KATNAL1: variants seen among roughly 807,000 people sequenced by gnomAD.
KATNAL1 encodes katanin catalytic subunit A1 like 1.
Under a neutral mutation model 55.2 loss-of-function variants are expected in KATNAL1, and 32 were observed. That is an observed-to-expected ratio of 0.58 (90% confidence interval 0.44 to 0.78). The LOEUF is 0.78. Ranked by LOEUF, KATNAL1 falls within the 30% of genes least tolerant of loss-of-function variation. The probability of loss-of-function intolerance (pLI) is 0.00; values close to 1 mark genes in which losing one functional copy is unlikely to be tolerated. For synonymous variants in KATNAL1, 193 were observed against 193.6 expected, an observed-to-expected ratio of 1.00 and a Z score of 0.02; for missense variants, 466 against 600.9, an observed-to-expected ratio of 0.78 and a Z score of 2.35.
intron 2 of KATNAL1, among the ~76,000 whole-genome samples, chr13:30,283,266 C>CAAAAAAA (rs35463025): frequency 2.9e-5 from 1 of 35,082 alleles, no homozygotes; most frequent in African/African-American, 1.4e-4. Flanking sequence ...GACTCTGTCT[C>CAAAAAAA]AAAAAAAAAA....
chr13:30,276,521 A>AC (rs1219105813), intron 3 of KATNAL1, among the ~76,000 whole-genome samples: 1 of 151,296 alleles, frequency 6.6e-6, no homozygotes, highest in Admixed American at 6.6e-5. Context: ...GATGGCAAAA[A>AC]AAAAAAAAAA....
intron 4 of KATNAL1, among the ~76,000 whole-genome samples, chr13:30,242,308 A>G (rs1397557703): frequency 1.3e-5 from 2 of 152,226 alleles, no homozygotes; most frequent in Non-Finnish European, 2.9e-5. Context: ...GCTGGAAAGA[A>G]CTTAATAAAC....
intron 1 of KATNAL1, among the ~76,000 whole-genome samples, chr13:30,297,059 T>G (rs1882553582): frequency 6.6e-6 from 1 of 151,206 alleles, no homozygotes; most frequent in African/African-American, 2.4e-5. Context: ...CGCTTGAGTC[T>G]GAGAGTTTGA....
At chr13:30,225,273 T>C (rs1875340861) in intron 9 of KATNAL1, among the ~76,000 whole-genome samples, 1 of 152,202 alleles carries the variant, frequency 6.6e-6, no homozygotes, top group Non-Finnish European at 1.5e-5. Context: ...AGTGCCCTCC[T>C]TACTGACTTC....
intron 3 of KATNAL1, among the ~76,000 whole-genome samples, chr13:30,278,587 C>T (rs1275406044): frequency 2.6e-5 from 4 of 152,176 alleles, no homozygotes; most frequent in African/African-American, 4.8e-5. Context: ...TTATTATCTG[C>T]GGACACTGCT....
chr13:30,283,293 G>GAAAAAAAAAAAAAAAAAAAAAAAAA (rs1593945549), intron 2 of KATNAL1, among the ~76,000 whole-genome samples: 1 of 55,894 alleles, frequency 1.8e-5, no homozygotes, highest in African/African-American at 7.2e-5. Flanking sequence ...AAAAAAAAAG[G>GAAAAAAAAAAAAAAAAAAAAAAAAA]AATGAATGAA....
At chr13:30,220,176 A>T (rs1390767335) in intron 9 of KATNAL1, among the ~76,000 whole-genome samples, 4 of 152,156 alleles carry the variant, frequency 2.6e-5, no homozygotes, top group African/African-American at 7.2e-5. Flanking sequence ...AAAACAAAAC[A>T]TGGGCTGGGC....
chr13:30,290,753 C>A (rs987619410), intron 1 of KATNAL1, among the ~76,000 whole-genome samples: 9 of 151,908 alleles, frequency 5.9e-5, no homozygotes, highest in Non-Finnish European at 8.8e-5. Flanking sequence ...GACCCAGTGA[C>A]GAAATAGATA....
rs1448711362 is a variant in KATNAL1 at position 30,204,095 on chromosome 13, C to T, written c.*4445G>A. 1 of 152,104 alleles carries T rather than the reference C, an allele frequency of 6.6e-6. No homozygotes were observed. The highest frequency in any genetic ancestry group is 2.4e-5 in the African/African-American group (1 of 41,430). 9.4% of individuals were successfully genotyped at this position (152,104 alleles called of 1,614,324 possible). Reference sequence around the variant, plus strand: ...ATTGTGACATATTCTCAGGTTCACACAAATATTACGTGCATCACAAATTAA... The same window carrying T: ...ATTGTGACATATTCTCAGGTTCACATAAATATTACGTGCATCACAAATTAA... On this transcript the variant is annotated 3_prime_UTR_variant, in exon 11 of 11. Coordinates refer to ENST00000380615, the MANE Select transcript of KATNAL1 (RefSeq NM_032116.5).
chr13:30,283,293 G>GAAAAAAT (rs1593945549), intron 2 of KATNAL1, among the ~76,000 whole-genome samples: 1 of 55,892 alleles, frequency 1.8e-5, no homozygotes, highest in Non-Finnish European at 3.6e-5. Context: ...AAAAAAAAAG[G>GAAAAAAT]AATGAATGAA....
At chr13:30,230,890 T>C (rs1373769882) in intron 7 of KATNAL1, among the ~76,000 whole-genome samples, 2 of 152,160 alleles carry the variant, frequency 1.3e-5, no homozygotes, top group Non-Finnish European at 2.9e-5. Flanking sequence ...CAAAAATAAA[T>C]CAACCTCAAT....
intron 6 of KATNAL1, 120 bp downstream of exon 6, chr13:30,240,340 C>T (rs1359380466): frequency 6.1e-6 from 4 of 658,088 alleles, no homozygotes; most frequent in Non-Finnish European, 1.1e-5. Flanking sequence ...TTTGGGTGTA[C>T]ATAAACTTCT....
intron 1 of KATNAL1, among the ~76,000 whole-genome samples, chr13:30,302,550 AT>A (rs1389698863): frequency 6.6e-6 from 1 of 152,250 alleles, no homozygotes; most frequent in Non-Finnish European, 1.5e-5. Context: ...ATACTGACAT[AT>A]AAAGACACTC....
In KATNAL1 at chr13:30,203,904, T is replaced by A. The variant is rs897586338; in HGVS notation, c.*4636A>T. Reference sequence around the variant, plus strand: ...AGCAAATGTCAAAAAAATTTAAGTATGAAAAGCCTAATTTAAAAGTATAAA... The same window carrying A: ...AGCAAATGTCAAAAAAATTTAAGTAAGAAAAGCCTAATTTAAAAGTATAAA... On this transcript the variant is annotated 3_prime_UTR_variant, in exon 11 of 11. Transcript: ENST00000380615. 6.6e-6 allele frequency: 1 copy of A among 152,068 alleles called. No homozygotes were observed. Among genetic ancestry groups the A allele is most frequent in the South Asian group, 2.1e-4 (1 of 4,832 alleles). The allele number at this position is 152,068 out of a possible 1,614,324, so 9.4% of individuals were successfully genotyped here. A position where few individuals can be genotyped will look rare whatever the true frequency, so the allele number is the denominator to read the frequency against.
intron 3 of KATNAL1, among the ~76,000 whole-genome samples, chr13:30,259,417 G>A (rs1010043787): frequency 3.9e-5 from 6 of 152,150 alleles, no homozygotes; most frequent in Non-Finnish European, 8.8e-5. Context: ...CCCAGTGTGA[G>A]CGACGCAAAA....
intron 2 of KATNAL1, 58 bp downstream of exon 2, chr13:30,283,558 C>T: frequency 6.6e-7 from 1 of 1,508,994 alleles, no homozygotes. Context: ...ACTCTAATCT[C>T]TCAAGTATAA....
intron 1 of KATNAL1, among the ~76,000 whole-genome samples, chr13:30,297,863 T>C (rs776087374): frequency 4.6e-5 from 7 of 152,092 alleles, no homozygotes; most frequent in Non-Finnish European, 1.0e-4. Context: ...TGGAAACTAA[T>C]AGAGGTGGGA....
chr13:30,254,804 G>C (rs993530087), intron 4 of KATNAL1, among the ~76,000 whole-genome samples: 1 of 151,904 alleles, frequency 6.6e-6, no homozygotes, highest in South Asian at 2.1e-4. Flanking sequence ...TAAAATTAAG[G>C]CCTAAGAGAC....
At chr13:30,214,879 T>C (rs1289113155) in intron 9 of KATNAL1, among the ~76,000 whole-genome samples, 2 of 151,396 alleles carry the variant, frequency 1.3e-5, no homozygotes, top group Non-Finnish European at 2.9e-5. Flanking sequence ...ACTTCACGTC[T>C]AAAACACCAA....
Sources: gnomAD v4.1 joint callset for allele counts (sites outside exome capture counted in the v4.1 genomes callset) on GRCh38, gnomAD v4.1.1 for gene constraint, MANE v1.5 for transcripts, NCBI Gene and HGNC (gene_info 2026-07-23, HGNC 2026-07-21) for gene names.